Variants in NRXN3 observed in about 807,000 individuals in gnomAD.
NRXN3 encodes the protein neurexin 3.
In NRXN3, 32 loss-of-function variants were observed where a neutral mutation model predicts 137.6. The ratio of observed to expected loss-of-function variants is 0.23; its 90% CI spans 0.18 to 0.31. The LOEUF (loss-of-function observed/expected upper bound fraction) is 0.31. Among genes scored for constraint, NRXN3 ranks in the 10% least tolerant of loss-of-function variants. The pLI is 1.00. For synonymous variants in NRXN3, 798 were observed against 784.5 expected (o/e 1.02, Z -0.29); for missense variants, 1,574 against 2,062.5 (o/e 0.76, Z 4.59).
At chr14:79,691,603 C>A (rs1165832949) in intron 17 of NRXN3, among the ~76,000 whole-genome samples, 1 of 152,022 alleles carries the variant, frequency 6.6e-6, no homozygotes, top group Non-Finnish European at 1.5e-5. Context: ...CAAGGACATC[C>A]TTTATGTAAT....
At chr14:78,790,721 G>A (rs1406176704) in intron 8 of NRXN3, among the ~76,000 whole-genome samples, 1 of 152,186 alleles carries the variant, frequency 6.6e-6, no homozygotes, top group Admixed American at 6.5e-5. Context: ...GGTGAGGGAT[G>A]TGATAATTTG....
intron 4 of NRXN3, among the ~76,000 whole-genome samples, chr14:78,419,015 C>A (rs1282712546): frequency 6.6e-6 from 1 of 152,232 alleles, no homozygotes; most frequent in Non-Finnish European, 1.5e-5. Flanking sequence ...TTATTGAGTG[C>A]TAACTCTGTG....
At chr14:79,098,927 C>T (rs559011640) in intron 15 of NRXN3, among the ~76,000 whole-genome samples, 1 of 152,304 alleles carries the variant, frequency 6.6e-6, no homozygotes, top group Admixed American at 6.5e-5. Context: ...GTAGAGTTCT[C>T]CTTAGGTCTC....
chr14:78,342,011 A>G (rs1243266618), intron 4 of NRXN3, among the ~76,000 whole-genome samples: 2 of 152,136 alleles, frequency 1.3e-5, no homozygotes, highest in African/African-American at 4.8e-5. Context: ...TAACTAAAAT[A>G]CTCATGTTAC....
chr14:79,489,297 G>A (rs1372253022), intron 16 of NRXN3, among the ~76,000 whole-genome samples: 1 of 151,996 alleles, frequency 6.6e-6, no homozygotes, highest in Non-Finnish European at 1.5e-5. Flanking sequence ...CTCCTCTCAT[G>A]CTTTCCTACC....
intron 10 of NRXN3, among the ~76,000 whole-genome samples, chr14:78,903,364 A>T (rs906866533): frequency 2.6e-5 from 4 of 151,098 alleles, no homozygotes; most frequent in Admixed American, 6.6e-5. Context: ...CTGGTCTCAA[A>T]CTCTTGGGCT....
At chr14:78,302,655 G>T (rs2076989117) in intron 4 of NRXN3, among the ~76,000 whole-genome samples, 2 of 152,204 alleles carry the variant, frequency 1.3e-5, no homozygotes, top group African/African-American at 2.4e-5. Flanking sequence ...AGGCACTTCA[G>T]TGGGCTCAAA....
chr14:78,451,973 C>G (rs2094562752), intron 4 of NRXN3, among the ~76,000 whole-genome samples: 1 of 152,178 alleles, frequency 6.6e-6, no homozygotes, highest in Non-Finnish European at 1.5e-5. Context: ...CAAATATGGA[C>G]TACATCCTCA....
intron 19 of NRXN3, among the ~76,000 whole-genome samples, chr14:79,701,497 G>A (rs574894900): frequency 6.6e-6 from 1 of 152,040 alleles, no homozygotes; most frequent in East Asian, 1.9e-4. Context: ...GACTCAGCAG[G>A]GCCCTTTTCC....
chr14:78,531,178 G>GAGGAAGCTT (rs1191461952), intron 4 of NRXN3, among the ~76,000 whole-genome samples: 1 of 152,158 alleles, frequency 6.6e-6, no homozygotes, highest in African/African-American at 2.4e-5. Context: ...CTACTTTCAT[G>GAGGAAGCTT]AGGAAGCTTA....
rs58650906 is a variant in NRXN3 at position 78,473,419 on chromosome 14, T to A, written c.758-171701T>A. Among the ~76,000 whole-genome samples, 5,221 of 134,314 alleles carry A rather than the reference T, an allele frequency of 0.039. 320 individuals are homozygous for A. In the East Asian group the frequency reaches 0.39, roughly 10 times the overall value. The allele number at this position is 134,314 out of a possible 152,430, so 88.1% of individuals were successfully genotyped here. A position where few individuals can be genotyped will look rare whatever the true frequency, so the allele number is the denominator to read the frequency against. ...TCTGTCTCAAAAAAAAAAAAAAAAA[T>A]GAAAAACCTTTCTTTTGTGAAACTT... On this transcript the variant is annotated intron_variant, in intron 4 of 20. Transcript: ENST00000335750.
chr14:79,361,996 A>ATTATTATT (rs1555399871), intron 15 of NRXN3, among the ~76,000 whole-genome samples: 23 of 142,106 alleles, frequency 1.6e-4, no homozygotes, highest in African/African-American at 5.4e-4. Flanking sequence ...CTACTTTTAT[A>ATTATTATT]ATTATTATTA....
rs539129942 is a variant in NRXN3 at position 78,888,546 on chromosome 14, T to A, written c.2276-68696T>A. ...TGTCAGGGAAACTAAGTTTTCCTTT[T>A]CTTTGAAGGCATGGAGAAGTGCCGA... On this transcript the variant is annotated intron_variant, in intron 10 of 20. Coordinates refer to ENST00000335750, the MANE Select transcript of NRXN3 (RefSeq NM_001330195.2). Among the ~76,000 whole-genome samples the A allele has an allele frequency of 3.9e-5, 6 of 152,146 alleles. No individual in the cohort carries two copies. The East Asian group carries it at 1.2e-3, about 29-fold the overall frequency.
At chr14:79,428,650 GCAAAAT>G (rs1169161847) in intron 15 of NRXN3, among the ~76,000 whole-genome samples, 2 of 151,992 alleles carry the variant, frequency 1.3e-5, no homozygotes, top group African/African-American at 4.8e-5. Context: ...TAAATATATA[GCAAAAT>G]CAGCTGGGGG....
At chr14:79,851,282 C>A (rs1028537278) in intron 20 of NRXN3, among the ~76,000 whole-genome samples, 10 of 152,114 alleles carry the variant, frequency 6.6e-5, no homozygotes, top group Non-Finnish European at 1.2e-4. Flanking sequence ...TTTATACAAT[C>A]TTAATTCAAT....
chr14:78,275,846 G>A (rs2073505869), intron 2 of NRXN3, among the ~76,000 whole-genome samples: 1 of 152,100 alleles, frequency 6.6e-6, no homozygotes, highest in African/African-American at 2.4e-5. Flanking sequence ...AAGAGGAAAG[G>A]GATGCTGGAT....
chr14:79,539,185 C>T lies in NRXN3; in HGVS notation c.3444+71783C>T, dbSNP rs183516685. On this transcript the variant is annotated intron_variant, in intron 16 of 20. Coordinates refer to ENST00000335750, the MANE Select transcript of NRXN3 (RefSeq NM_001330195.2). ...GTGCAATTACAGGCATGCACCACCA[C>T]ACCTGGCTAATTTTTTTTTTGTATT... Among the ~76,000 whole-genome samples the T allele has an allele frequency of 3.0e-3, 458 of 151,038 alleles. 2 individuals carry two copies. The highest frequency in any genetic ancestry group is 0.01 in the African/African-American group (417 of 40,790).
chr14:79,055,735 C>T (rs574038312), intron 15 of NRXN3, among the ~76,000 whole-genome samples: 6 of 152,120 alleles, frequency 3.9e-5, no homozygotes, highest in African/African-American at 1.4e-4. Context: ...TAACTTAGGT[C>T]CTGGATAAAT....
At chr14:79,691,329 T>A (rs760886180) in intron 17 of NRXN3, among the ~76,000 whole-genome samples, 19 of 151,850 alleles carry the variant, frequency 1.3e-4, no homozygotes, top group Non-Finnish European at 1.3e-4. Context: ...AAAGGTCCTC[T>A]TACAGTAAGG....
Sources: allele counts gnomAD v4.1 joint callset (sites outside exome capture counted in the v4.1 genomes callset), GRCh38; gene constraint gnomAD v4.1.1; transcripts MANE v1.5; gene names NCBI Gene and HGNC (gene_info 2026-07-23, HGNC 2026-07-21).